The following PTPN4 variants were observed in gnomAD, a reference collection of about 807,000 sequenced individuals.
PTPN4 encodes tyrosine-protein phosphatase non-receptor type 4.
A neutral mutation model predicts 135.5 loss-of-function variants in PTPN4; 49 were observed. The ratio of observed to expected loss-of-function variants is 0.36; its 90% CI spans 0.29 to 0.46. The LOEUF (loss-of-function observed/expected upper bound fraction) is 0.46, where lower values mean the gene tolerates loss of function less well. Ranked by LOEUF, PTPN4 falls within the 20% of genes least tolerant of loss-of-function variation. The pLI, the probability that PTPN4 is intolerant of heterozygous loss-of-function variation, is 1.00. For synonymous variants in PTPN4, 333 were observed against 369.9 expected (o/e 0.90, Z 1.14); for missense variants, 860 against 1,101.0 (o/e 0.78, Z 3.10).
At chr2:119,893,914 A>T (rs576186814) in intron 9 of PTPN4, among the ~76,000 whole-genome samples, 2 of 152,072 alleles carry the variant, frequency 1.3e-5, no homozygotes, top group Admixed American at 6.6e-5. Context: ...GAAAAAAAAA[A>T]CAAAAACGGA....
chr2:119,840,710 G>A (rs1677367142), intron 2 of PTPN4, among the ~76,000 whole-genome samples: 1 of 152,182 alleles, frequency 6.6e-6, no homozygotes, highest in African/African-American at 2.4e-5. Context: ...CACCAACAGT[G>A]TAAATAAAAC....
At position 119,979,976 on chromosome 2, in the gene PTPN4, G is replaced by A. The variant is rs2105071418; in HGVS notation, c.*2906G>A. 1 of 152,212 alleles carries A rather than the reference G, an allele frequency of 6.6e-6. No homozygotes were observed. Among genetic ancestry groups the A allele is most frequent in the African/African-American group, 2.4e-5 (1 of 41,584 alleles). 9.4% of individuals were successfully genotyped at this position (152,212 alleles called of 1,614,324 possible). On this transcript the variant is annotated 3_prime_UTR_variant, in exon 27 of 27. Transcript: ENST00000263708. ...CAGCACCATGTAAATATGATGAGGA[G>A]TATTTGGAATAGACTTTACATTCAC... is the stretch of plus-strand genomic sequence containing the variant.
intron 1 of PTPN4, among the ~76,000 whole-genome samples, chr2:119,775,246 T>C (rs1009937050): frequency 1.3e-5 from 2 of 152,068 alleles, no homozygotes; most frequent in East Asian, 3.9e-4. Flanking sequence ...ACTGCCCTTA[T>C]CTATAAAGCT....
chr2:119,843,354 T>C lies in PTPN4; in HGVS notation c.139-19182T>C, dbSNP rs369998773. ...CCCAAGGCAGAGGAATTTTTCTTAG[T>C]GCAGAACAAAATGAAAAGTCTCCCA... On this transcript the variant is annotated intron_variant, in intron 2 of 26. Coordinates refer to ENST00000263708, the MANE Select transcript of PTPN4 (RefSeq NM_002830.4). Among the ~76,000 whole-genome samples, 30 of 146,008 alleles carry C rather than the reference T, an allele frequency of 2.1e-4. No individual in the cohort carries two copies. The East Asian group carries it at 4.6e-3, about 22-fold the overall frequency.
chr2:119,823,986 A>T (rs1677108604), intron 2 of PTPN4, among the ~76,000 whole-genome samples: 2 of 152,144 alleles, frequency 1.3e-5, no homozygotes, highest in Non-Finnish European at 2.9e-5. Flanking sequence ...TATCTTTTTG[A>T]TATGTTGTCT....
intron 13 of PTPN4, among the ~76,000 whole-genome samples, chr2:119,931,433 C>CT (rs1158907026): frequency 0.018 from 1,537 of 83,396 alleles, 70 homozygotes; most frequent in East Asian, 0.026. Context: ...TTCTTTCTTT[C>CT]TTTTTTTTTT....
intron 2 of PTPN4, among the ~76,000 whole-genome samples, chr2:119,843,011 TACTA>T (rs1271042914): frequency 6.6e-6 from 1 of 152,256 alleles, no homozygotes; most frequent in Non-Finnish European, 1.5e-5. Flanking sequence ...AGTTCTCTAT[TACTA>T]ACTTGTTAAA....
intron 2 of PTPN4, among the ~76,000 whole-genome samples, chr2:119,840,040 T>C (rs1207079536): frequency 6.6e-6 from 1 of 152,204 alleles, no homozygotes; most frequent in Non-Finnish European, 1.5e-5. Flanking sequence ...TAAATACTTT[T>C]TTTTCCTTTT....
chr2:119,825,270 A>C (rs529614469), intron 2 of PTPN4, among the ~76,000 whole-genome samples: 12 of 152,066 alleles, frequency 7.9e-5, no homozygotes, highest in African/African-American at 2.9e-4. Context: ...TTTTACTGGG[A>C]TATGGCCTTC....
Position 119,977,865 on chromosome 2 carries a change from A to G in PTPN4, c.*795A>G, listed in dbSNP as rs1679640228. 2 of 152,176 alleles carry G rather than the reference A, an allele frequency of 1.3e-5. No individual in the cohort carries two copies. Among genetic ancestry groups the G allele is most frequent in the Non-Finnish European group, 2.9e-5 (2 of 68,024 alleles). 9.4% of individuals were successfully genotyped at this position (152,176 alleles called of 1,614,324 possible). On this transcript the variant is annotated 3_prime_UTR_variant, in exon 27 of 27. Coordinates refer to ENST00000263708, the MANE Select transcript of PTPN4 (RefSeq NM_002830.4). ...TTGTATGTCTAACGAAAAGGCACTC[A>G]TTTGACCCCACTAGGAGGTATATAT...
At chr2:119,766,122 C>T (rs961851119) in intron 1 of PTPN4, among the ~76,000 whole-genome samples, 6 of 151,998 alleles carry the variant, frequency 3.9e-5, no homozygotes, top group Non-Finnish European at 8.8e-5. Context: ...TATCAGATCC[C>T]CCTCCCCACC....
At chr2:119,791,554 C>CA (rs1445361516) in intron 1 of PTPN4, among the ~76,000 whole-genome samples, 5 of 152,264 alleles carry the variant, frequency 3.3e-5, no homozygotes, top group Non-Finnish European at 7.4e-5. Context: ...CTTTGTTTTG[C>CA]TACATATGGT....
intron 2 of PTPN4, 66 bp downstream of exon 2, chr2:119,810,057 A>G: frequency 6.8e-7 from 1 of 1,474,046 alleles, no homozygotes; most frequent in Middle Eastern, 1.8e-4. Flanking sequence ...CATATATGTA[A>G]ACTAGGATTA....
intron 9 of PTPN4, among the ~76,000 whole-genome samples, chr2:119,897,353 G>A (rs114985515): frequency 0.01 from 1,550 of 152,166 alleles, 17 homozygotes; most frequent in Middle Eastern, 0.027. Flanking sequence ...CCTTTTAATG[G>A]AAAATGATAT....
At chr2:119,886,653 T>C (rs78649185) in intron 9 of PTPN4, among the ~76,000 whole-genome samples, 1 of 152,350 alleles carries the variant, frequency 6.6e-6, no homozygotes, top group East Asian at 1.9e-4. Context: ...GATATCAACC[T>C]GAAAGAGAAT....
chr2:119,802,052 C>T (rs952266730), intron 1 of PTPN4, among the ~76,000 whole-genome samples: 8 of 152,012 alleles, frequency 5.3e-5, no homozygotes, highest in Admixed American at 2.6e-4. Flanking sequence ...AACAGGCGCC[C>T]GCCACCACAC....
chr2:119,775,851 A>G (rs1228507632), intron 1 of PTPN4, among the ~76,000 whole-genome samples: 4 of 151,264 alleles, frequency 2.6e-5, no homozygotes, highest in East Asian at 1.9e-4. Context: ...ATATCTATCT[A>G]TATACTTTTT....
intron 20 of PTPN4, among the ~76,000 whole-genome samples, chr2:119,955,628 C>T (rs1679268690): frequency 6.6e-6 from 1 of 152,038 alleles, no homozygotes; most frequent in African/African-American, 2.4e-5. Context: ...TGAAGATAGG[C>T]TATTATATAC....
intron 2 of PTPN4, among the ~76,000 whole-genome samples, chr2:119,816,559 T>A (rs1237201139): frequency 6.6e-6 from 1 of 152,192 alleles, no homozygotes; most frequent in African/African-American, 2.4e-5. Flanking sequence ...ATTTAATTTC[T>A]GTTATTACTG....
Sources: allele counts gnomAD v4.1 joint callset (sites outside exome capture counted in the v4.1 genomes callset), GRCh38; gene constraint gnomAD v4.1.1; transcripts MANE v1.5; gene names NCBI Gene and HGNC (gene_info 2026-07-23, HGNC 2026-07-21).